Variants in GPHN observed in about 807,000 individuals in gnomAD.
GPHN encodes gephyrin.
GPHN carries 17 observed loss-of-function variants against 95.5 expected under a neutral mutation model. The ratio of observed to expected loss-of-function variants is 0.18; its 90% confidence interval spans 0.12 to 0.27. GPHN has a LOEUF of 0.27. GPHN is among the 10% of genes least tolerant of loss of function. GPHN has a pLI of 1.00. For missense variants in GPHN, 660 were observed against 978.1 expected (o/e 0.67, Z 4.34); for synonymous variants, 320 against 322.5 (o/e 0.99, Z 0.08).
intron 1 of GPHN, among the ~76,000 whole-genome samples, chr14:66,574,158 C>T (rs1449524679): frequency 6.6e-6 from 1 of 152,020 alleles, no homozygotes; most frequent in Non-Finnish European, 1.5e-5. Context: ...TCTCTTTATT[C>T]TCTTGTATCT....
chr14:67,237,850 C>G, the GPHN span, among the ~76,000 whole-genome samples: 1 of 152,072 alleles, frequency 6.6e-6, no homozygotes, highest in African/African-American at 2.4e-5. Flanking sequence ...TGCTTTCTGA[C>G]GAGGATGAAC....
the GPHN span, chr14:67,585,458 G>A: frequency 1.4e-6 from 1 of 706,098 alleles, no homozygotes. Flanking sequence ...TGAGGTGGCT[G>A]GAAATCACTG....
the GPHN span, chr14:67,279,534 T>C: frequency 1.3e-6 from 2 of 1,525,084 alleles, no homozygotes; most frequent in African/African-American, 2.8e-5. Context: ...TGTGAAAATA[T>C]TAGGTAAGTA....
chr14:66,721,722 A>G (rs2153428135), intron 2 of GPHN, among the ~76,000 whole-genome samples: 1 of 152,190 alleles, frequency 6.6e-6, no homozygotes, highest in Non-Finnish European at 1.5e-5. Flanking sequence ...AGGCCGAGGC[A>G]GGCGAATCAC....
At chr14:66,528,681 G>A (rs1208351854) in intron 1 of GPHN, among the ~76,000 whole-genome samples, 1 of 152,134 alleles carries the variant, frequency 6.6e-6, no homozygotes, top group Non-Finnish European at 1.5e-5. Flanking sequence ...CTCAGCATTT[G>A]CGTGTCTGTA....
the GPHN span, among the ~76,000 whole-genome samples, chr14:67,418,564 G>A: frequency 2.0e-5 from 3 of 152,152 alleles, no homozygotes; most frequent in African/African-American, 4.8e-5. Context: ...AGCCCCGCGC[G>A]GCCCAGATAG....
the GPHN span, among the ~76,000 whole-genome samples, chr14:67,419,746 G>C: frequency 6.6e-6 from 1 of 152,108 alleles, no homozygotes; most frequent in Non-Finnish European, 1.5e-5. Context: ...CTACTCGGGA[G>C]GCTGAGGCAG....
chr14:67,361,250 T>C, the GPHN span, among the ~76,000 whole-genome samples: 1 of 152,350 alleles, frequency 6.6e-6, no homozygotes, highest in East Asian at 1.9e-4. Flanking sequence ...CGAGAAAAAG[T>C]ATAGCAGAGA....
chr14:67,220,649 T>C, the GPHN span, among the ~76,000 whole-genome samples: 145 of 152,342 alleles, frequency 9.5e-4, no homozygotes, highest in African/African-American at 3.3e-3. Flanking sequence ...ATCTTGACAG[T>C]AGTCCTACCA....
rs145490416 is a variant in GPHN, at chr14:67,037,561, A to C, written c.1006+13886A>C. On this transcript the variant is annotated intron_variant, in intron 10 of 22. Transcript: ENST00000478722. ...CAAATCATATATCTGATAAGGGGTT[A>C]ATATCCAGAATATATAAAGAACCCC... Among the ~76,000 whole-genome samples the C allele has an allele frequency of 5.5e-3, 839 of 151,966 alleles. 3 individuals carry two copies. Among genetic ancestry groups the C allele is most frequent in the African/African-American group, 0.019 (801 of 41,392 alleles).
At chr14:67,085,649 T>C (rs147810390) in intron 11 of GPHN, among the ~76,000 whole-genome samples, 52 of 152,364 alleles carry the variant, frequency 3.4e-4, no homozygotes, top group African/African-American at 1.2e-3. Flanking sequence ...TTGATTCTTA[T>C]GGCAAACAGA....
intron 2 of GPHN, among the ~76,000 whole-genome samples, chr14:66,715,127 A>T (rs1186609910): frequency 6.6e-6 from 1 of 151,896 alleles, no homozygotes; most frequent in Non-Finnish European, 1.5e-5. Context: ...TCTGTTGTTA[A>T]TTTTTAAATT....
chr14:66,819,296 T>A (rs1401395467), intron 3 of GPHN, among the ~76,000 whole-genome samples: 1 of 152,234 alleles, frequency 6.6e-6, no homozygotes, highest in African/African-American at 2.4e-5. Flanking sequence ...AGTTTCAATT[T>A]TCTGCATATG....
chr14:67,392,015 G>T, the GPHN span, among the ~76,000 whole-genome samples: 1 of 152,204 alleles, frequency 6.6e-6, no homozygotes, highest in Non-Finnish European at 1.5e-5. Context: ...GTCAGCAAAA[G>T]CTTCCAAGAC....
chr14:66,595,960 AG>A (rs984935495), intron 1 of GPHN, among the ~76,000 whole-genome samples: 3 of 152,090 alleles, frequency 2.0e-5, no homozygotes, highest in Admixed American at 1.3e-4. Flanking sequence ...TCCTTTATTG[AG>A]TGACAGAACA....
chr14:67,262,366 G>T, the GPHN span, among the ~76,000 whole-genome samples: 1 of 151,694 alleles, frequency 6.6e-6, no homozygotes, highest in African/African-American at 2.4e-5. Flanking sequence ...CCCTATCCCC[G>T]CCTCGAATCC....
chr14:67,650,838 A>G, the GPHN span: 1 of 1,614,126 alleles, frequency 6.2e-7, no homozygotes, highest in Non-Finnish European at 8.5e-7. Context: ...CAGACAAGAG[A>G]AGGAGGGCAT....
chr14:66,742,351 A>G (rs1169424972), intron 2 of GPHN, among the ~76,000 whole-genome samples: 3 of 152,208 alleles, frequency 2.0e-5, no homozygotes, highest in Non-Finnish European at 4.4e-5. Flanking sequence ...TTTTATGTAT[A>G]TATATATGAT....
chr14:66,548,072 G>A (rs1205083816), intron 1 of GPHN, among the ~76,000 whole-genome samples: 2 of 150,596 alleles, frequency 1.3e-5, no homozygotes, highest in Non-Finnish European at 3.0e-5. Context: ...TACTCACTTC[G>A]TGTTTCTGTG....
Sources: allele counts gnomAD v4.1 joint callset (sites outside exome capture counted in the v4.1 genomes callset), GRCh38; gene constraint gnomAD v4.1.1; transcripts MANE v1.5; gene names NCBI Gene and HGNC (gene_info 2026-07-23, HGNC 2026-07-21).